Variants in NDUFAF2 observed in about 807,000 individuals in gnomAD.
NDUFAF2 encodes the protein NADH:ubiquinone oxidoreductase complex assembly factor 2, also known as NADH dehydrogenase [ubiquinone] 1 alpha subcomplex assembly factor 2.
A neutral mutation model predicts 22.8 loss-of-function variants in NDUFAF2; 13 were observed. That is an observed-to-expected ratio of 0.57 (90% confidence interval 0.37 to 0.91). The LOEUF is 0.91. NDUFAF2 is among the 40% of genes least tolerant of loss of function. The probability of loss-of-function intolerance (pLI) is 0.01; values close to 1 mark genes in which losing one functional copy is unlikely to be tolerated. For synonymous variants in NDUFAF2, 53 were observed against 64.2 expected, an observed-to-expected ratio of 0.83 and a Z score of 0.84; for missense variants, 162 against 195.2, an observed-to-expected ratio of 0.83 and a Z score of 1.01.
intron 1 of NDUFAF2, among the ~76,000 whole-genome samples, chr5:61,007,051 T>C (rs950143222): frequency 5.9e-5 from 9 of 152,172 alleles, no homozygotes; most frequent in African/African-American, 2.2e-4. Flanking sequence ...AAAAATTTTC[T>C]CCCATTTTGT....
intron 2 of NDUFAF2, among the ~76,000 whole-genome samples, chr5:61,074,605 A>C (rs1174151236): frequency 7.0e-6 from 1 of 143,224 alleles, no homozygotes; most frequent in Admixed American, 6.9e-5. Context: ...CAAAAAATTC[A>C]AAAAATTAGC....
chr5:61,053,365 A>G (rs904819037), intron 1 of NDUFAF2, among the ~76,000 whole-genome samples: 1 of 152,230 alleles, frequency 6.6e-6, no homozygotes, highest in African/African-American at 2.4e-5. Context: ...GCTAGATTCA[A>G]ATGATCCATG....
chr5:61,085,224 A>G (rs1419839661), intron 2 of NDUFAF2, among the ~76,000 whole-genome samples: 1 of 152,224 alleles, frequency 6.6e-6, no homozygotes, highest in Non-Finnish European at 1.5e-5. Flanking sequence ...AGTTTATCCC[A>G]GTAATACAGA....
intron 1 of NDUFAF2, among the ~76,000 whole-genome samples, chr5:61,008,583 G>T (rs1751403490): frequency 1.3e-5 from 2 of 152,168 alleles, no homozygotes; most frequent in Non-Finnish European, 2.9e-5. Context: ...AAATGCGGAT[G>T]ATTTCACCTA....
chr5:60,985,995 A>G (rs980148954), intron 1 of NDUFAF2, among the ~76,000 whole-genome samples: 1 of 152,212 alleles, frequency 6.6e-6, no homozygotes, highest in African/African-American at 2.4e-5. Flanking sequence ...ACAGGCAACA[A>G]CACACTGGTG....
chr5:60,982,866 G>A (rs1751006193), intron 1 of NDUFAF2, among the ~76,000 whole-genome samples: 1 of 152,074 alleles, frequency 6.6e-6, no homozygotes, highest in African/African-American at 2.4e-5. Context: ...ACATACGTGT[G>A]CATGTGTCTT....
chr5:61,007,782 C>T (rs1751387851), intron 1 of NDUFAF2, among the ~76,000 whole-genome samples: 1 of 152,162 alleles, frequency 6.6e-6, no homozygotes, highest in African/African-American at 2.4e-5. Context: ...TACCATTTGA[C>T]CCAGTCATCC....
At chr5:61,080,338 T>C (rs1752426671) in intron 2 of NDUFAF2, among the ~76,000 whole-genome samples, 1 of 152,248 alleles carries the variant, frequency 6.6e-6, no homozygotes, top group Non-Finnish European at 1.5e-5. Context: ...TAAGTATAGA[T>C]TTGATTTTAT....
chr5:61,041,512 A>T (rs1751882273), intron 1 of NDUFAF2, among the ~76,000 whole-genome samples: 1 of 152,184 alleles, frequency 6.6e-6, no homozygotes, highest in Non-Finnish European at 1.5e-5. Context: ...GAGAGATTGT[A>T]GGTAAGAAAT....
intron 3 of NDUFAF2, among the ~76,000 whole-genome samples, chr5:61,130,679 A>C (rs990560499): frequency 1.3e-5 from 2 of 152,088 alleles, no homozygotes; most frequent in Admixed American, 6.6e-5. Context: ...CTTAATATTC[A>C]TTTGATCTCT....
intron 3 of NDUFAF2, among the ~76,000 whole-genome samples, chr5:61,135,524 G>T (rs1413947353): frequency 1.3e-5 from 2 of 152,152 alleles, no homozygotes; most frequent in East Asian, 1.9e-4. Context: ...ATATTAATTG[G>T]TCATGTGTGA....
At chr5:61,056,758 C>T (rs1036036019) in intron 1 of NDUFAF2, among the ~76,000 whole-genome samples, 1 of 150,232 alleles carries the variant, frequency 6.7e-6, no homozygotes, top group Non-Finnish European at 1.5e-5. Context: ...CATGGTGGCG[C>T]GTGCCTGTAA....
intron 1 of NDUFAF2, among the ~76,000 whole-genome samples, chr5:61,021,532 G>A (rs1751583838): frequency 6.6e-6 from 1 of 152,110 alleles, no homozygotes; most frequent in South Asian, 2.1e-4. Flanking sequence ...GCCATGTAAG[G>A]TAACAGTCTC....
intron 1 of NDUFAF2, among the ~76,000 whole-genome samples, chr5:61,057,541 A>G (rs1242922447): frequency 6.6e-6 from 1 of 152,194 alleles, no homozygotes; most frequent in Non-Finnish European, 1.5e-5. Flanking sequence ...GTCTGAATCA[A>G]TGATTTTCAC....
rs911150205 is a variant in NDUFAF2 at position 61,067,342 on chromosome 5, G to A, written c.128-5783G>A. ...ACCCCACAACAGTCCCCAGTGTGTG[G>A]TGTTCCCCTTCCTGTGTCCATATGT... On this transcript the variant is annotated intron_variant, in intron 1 of 3. Transcript: ENST00000296597. Among the ~76,000 whole-genome samples the A allele has an allele frequency of 2.8e-5, 4 of 145,114 alleles. No homozygotes were observed. The East Asian group carries it at 8.2e-4, about 30-fold the overall frequency.
At chr5:61,100,669 G>A (rs988205600) in intron 3 of NDUFAF2, among the ~76,000 whole-genome samples, 1 of 151,994 alleles carries the variant, frequency 6.6e-6, no homozygotes, top group Admixed American at 6.6e-5. Flanking sequence ...CTCTACCACA[G>A]AACCTCAACT....
At chr5:61,027,130 G>A (rs1317644102) in intron 1 of NDUFAF2, among the ~76,000 whole-genome samples, 1 of 151,502 alleles carries the variant, frequency 6.6e-6, no homozygotes, top group Non-Finnish European at 1.5e-5. Context: ...TTAAGTGTTG[G>A]TCTTTATTTT....
chr5:60,962,271 C>G (rs771539099), intron 1 of NDUFAF2, among the ~76,000 whole-genome samples: 7 of 151,788 alleles, frequency 4.6e-5, no homozygotes, highest in Non-Finnish European at 8.8e-5. Flanking sequence ...CATTTGTCTC[C>G]ATGGAATTAA....
chr5:60,978,264 C>T (rs978418302), intron 1 of NDUFAF2, among the ~76,000 whole-genome samples: 14 of 111,222 alleles, frequency 1.3e-4, no homozygotes, highest in Admixed American at 4.4e-4. Context: ...CTTGATACTG[C>T]GGGTTAAAGT....
Sources: gnomAD v4.1 joint callset for allele counts (sites outside exome capture counted in the v4.1 genomes callset) on GRCh38, gnomAD v4.1.1 for gene constraint, MANE v1.5 for transcripts, NCBI Gene and HGNC (gene_info 2026-07-23, HGNC 2026-07-21) for gene names.